The following LRBA variants were observed in gnomAD, a reference collection of about 807,000 sequenced individuals.
LRBA encodes lipopolysaccharide-responsive and beige-like anchor protein.
Under a neutral mutation model 330.0 loss-of-function variants are expected in LRBA, and 176 were observed. The ratio of observed to expected loss-of-function variants is 0.53; its 90% CI spans 0.47 to 0.60. LRBA has a LOEUF of 0.60. Among genes scored for constraint, LRBA ranks in the 20% least tolerant of loss-of-function variants. The probability of loss-of-function intolerance (pLI) is 0.00; values close to 1 mark genes in which losing one functional copy is unlikely to be tolerated. For missense variants in LRBA, 3,259 were observed against 3,444.8 expected, an observed-to-expected ratio of 0.95 and a Z score of 1.35; for synonymous variants, 1,230 against 1,193.0, an observed-to-expected ratio of 1.03 and a Z score of -0.64.
At chr4:150,283,307 C>G (rs1747773524) in intron 54 of LRBA, among the ~76,000 whole-genome samples, 2 of 152,298 alleles carry the variant, frequency 1.3e-5, no homozygotes, top group Admixed American at 1.3e-4. Flanking sequence ...CTCCCAACGC[C>G]TGGGTGGACC....
At chr4:150,937,363 T>C (rs752816458) in intron 2 of LRBA, among the ~76,000 whole-genome samples, 1 of 152,156 alleles carries the variant, frequency 6.6e-6, no homozygotes, top group Admixed American at 6.5e-5. Context: ...GGTACAGGCA[T>C]TGGCTAGTTA....
intron 2 of LRBA, among the ~76,000 whole-genome samples, chr4:150,965,652 G>A (rs145538393): frequency 0.014 from 2,198 of 151,756 alleles, 30 homozygotes; most frequent in Non-Finnish European, 0.023. Context: ...GGATCCTCCC[G>A]CCTCAGCCTC....
rs754572304 is a variant in LRBA at position 150,828,143 on chromosome 4, G to A, written c.5171+37C>T. The A allele has an allele frequency of 1.9e-5, 31 of 1,591,226 alleles. 1 individual carries two copies. In the South Asian group the frequency reaches 2.7e-4, roughly 14 times the overall value. On this transcript the variant is annotated intron_variant, in intron 30 of 56. Transcript: ENST00000651943. ...CCCCCATGTTGTTCAAGGGTCAGATGTAGAAACATACCAAAACGAAAAACT... is the reference window on the plus strand; with the variant it reads ...CCCCCATGTTGTTCAAGGGTCAGATATAGAAACATACCAAAACGAAAAACT...
chr4:150,958,963 A>G (rs1189806359), intron 2 of LRBA, among the ~76,000 whole-genome samples: 2 of 148,700 alleles, frequency 1.3e-5, no homozygotes, highest in Non-Finnish European at 2.9e-5. Context: ...AACTGTTCCA[A>G]CCTCTTCCTG....
At chr4:150,628,502 G>A (rs1220562432) in intron 37 of LRBA, among the ~76,000 whole-genome samples, 1 of 152,070 alleles carries the variant, frequency 6.6e-6, no homozygotes, top group Admixed American at 6.5e-5. Context: ...TTATACCAAC[G>A]ATATTACTGA....
intron 37 of LRBA, among the ~76,000 whole-genome samples, chr4:150,664,771 C>T (rs558406734): frequency 6.6e-6 from 1 of 152,178 alleles, no homozygotes; most frequent in Non-Finnish European, 1.5e-5. Flanking sequence ...GCCAAACTTA[C>T]CTCATGAGAT....
At chr4:150,343,026 GAAGAA>G (rs1581064656) in intron 48 of LRBA, among the ~76,000 whole-genome samples, 1 of 139,930 alleles carries the variant, frequency 7.1e-6, no homozygotes, top group Non-Finnish European at 1.5e-5. Flanking sequence ...ACAAGATTCT[GAAGAA>G]AAGAGAGGCG....
intron 22 of LRBA, among the ~76,000 whole-genome samples, chr4:150,859,195 C>T (rs192444500): frequency 6.6e-6 from 1 of 151,892 alleles, no homozygotes; most frequent in Non-Finnish European, 1.5e-5. Context: ...GGAGGAAATC[C>T]AATTCATATT....
intron 53 of LRBA, among the ~76,000 whole-genome samples, chr4:150,292,376 G>A (rs988521777): frequency 6.6e-6 from 1 of 152,168 alleles, no homozygotes; most frequent in Non-Finnish European, 1.5e-5. Flanking sequence ...TTACTCTTAT[G>A]AAAATCAGAT....
At chr4:150,571,339 T>C (rs1484921526) in intron 40 of LRBA, among the ~76,000 whole-genome samples, 1 of 152,056 alleles carries the variant, frequency 6.6e-6, no homozygotes, top group Non-Finnish European at 1.5e-5. Context: ...ATTAAATCAA[T>C]GATTAATAAA....
chr4:150,744,006 C>T (rs1239840748), intron 35 of LRBA, among the ~76,000 whole-genome samples: 2 of 152,146 alleles, frequency 1.3e-5, no homozygotes. Flanking sequence ...TGTCTTCCAG[C>T]TACTTTAGAA....
At chr4:150,686,254 A>T (rs1413053111) in intron 36 of LRBA, among the ~76,000 whole-genome samples, 1 of 152,214 alleles carries the variant, frequency 6.6e-6, no homozygotes, top group African/African-American at 2.4e-5. Flanking sequence ...TGGTAAAGGC[A>T]AACTGTTTAT....
At chr4:150,670,776 A>G (rs1354770976) in intron 37 of LRBA, among the ~76,000 whole-genome samples, 1 of 152,192 alleles carries the variant, frequency 6.6e-6, no homozygotes, top group East Asian at 1.9e-4. Flanking sequence ...ATCAATCACC[A>G]CAGGATTCAT....
chr4:150,481,363 G>C (rs553313825), intron 42 of LRBA, among the ~76,000 whole-genome samples: 2 of 152,196 alleles, frequency 1.3e-5, no homozygotes, highest in African/African-American at 4.8e-5. Context: ...CCAGTAGTGG[G>C]AACTCTGGAT....
Position 150,844,699 on chromosome 4 carries a change from G to A in LRBA, c.4420C>T (p.Pro1474Ser), listed in dbSNP as rs964321808. The A allele has an allele frequency of 2.5e-6, 4 of 1,613,330 alleles. No homozygotes were observed. The highest frequency in any genetic ancestry group is 2.7e-5 in the African/African-American group (2 of 75,014). ...CCTAAAGGAATAAGGCTATGCATTG[G>A]TTTCAAGGCTTTATCTCCCCTAGTT... Reference protein sequence around the residue: ...LKTRGDKALKPMHSLIPLGKS... With the variant: ...LKTRGDKALKSMHSLIPLGKS... The change falls in exon 27 of 57, where the codon CCA becomes TCA. Residue 1474 changes from proline to serine, a missense_variant. Pro to Ser is a moderately conservative substitution (Grantham distance 74, BLOSUM62 -1). Transcript: ENST00000651943.
At chr4:150,574,402 C>A (rs1205110253) in intron 40 of LRBA, among the ~76,000 whole-genome samples, 1 of 151,944 alleles carries the variant, frequency 6.6e-6, no homozygotes, top group Non-Finnish European at 1.5e-5. Context: ...CAAATTTAGT[C>A]ATGTAATGGT....
intron 47 of LRBA, among the ~76,000 whole-genome samples, chr4:150,389,353 CTAAATAAA>C (rs555482145): frequency 4.0e-5 from 6 of 150,270 alleles, no homozygotes; most frequent in African/African-American, 1.5e-4. Flanking sequence ...GACTCAGTCT[CTAAATAAA>C]TAAATAAATA....
At chr4:150,548,817 G>C (rs1183177667) in intron 40 of LRBA, among the ~76,000 whole-genome samples, 1 of 152,138 alleles carries the variant, frequency 6.6e-6, no homozygotes, top group African/African-American at 2.4e-5. Context: ...ACAATTGTAT[G>C]AGGTAGTTGC....
At chr4:150,292,737 G>A (rs1463762315) in intron 53 of LRBA, among the ~76,000 whole-genome samples, 1 of 152,082 alleles carries the variant, frequency 6.6e-6, no homozygotes, top group Non-Finnish European at 1.5e-5. Context: ...AAAATAACTT[G>A]ATTTTAAAGG....
Sources: allele counts gnomAD v4.1 joint callset (sites outside exome capture counted in the v4.1 genomes callset), GRCh38; gene constraint gnomAD v4.1.1; transcripts MANE v1.5; gene names NCBI Gene and HGNC (gene_info 2026-07-23, HGNC 2026-07-21).